Variants in CTNNA3 observed in about 807,000 individuals in gnomAD.
The protein encoded by CTNNA3 is catenin alpha 3, also known as catenin alpha-3.
Under a neutral mutation model 95.7 loss-of-function variants are expected in CTNNA3, and 76 were observed. The ratio of observed to expected loss-of-function variants is 0.79; its 90% CI spans 0.66 to 0.96. CTNNA3 has a LOEUF of 0.96. CTNNA3 is among the 40% of genes least tolerant of loss of function. The pLI, the probability that CTNNA3 is intolerant of heterozygous loss-of-function variation, is 0.00. For missense variants in CTNNA3, 1,191 were observed against 1,089.8 expected, an observed-to-expected ratio of 1.09 and a Z score of -1.31; for synonymous variants, 431 against 374.4, an observed-to-expected ratio of 1.15 and a Z score of -1.74.
At chr10:67,572,463 G>A (rs1346118392) in intron 3 of CTNNA3, among the ~76,000 whole-genome samples, 4 of 152,108 alleles carry the variant, frequency 2.6e-5, no homozygotes, top group Non-Finnish European at 5.9e-5. Flanking sequence ...CAGGCCTAAT[G>A]CAGTTTGGAA....
At chr10:67,486,150 C>T (rs1379171280) in intron 5 of CTNNA3, among the ~76,000 whole-genome samples, 1 of 152,158 alleles carries the variant, frequency 6.6e-6, no homozygotes, top group Non-Finnish European at 1.5e-5. Flanking sequence ...CACTCATTCA[C>T]CTGTTTCATT....
intron 9 of CTNNA3, among the ~76,000 whole-genome samples, chr10:66,729,634 C>T (rs1462160633): frequency 6.6e-6 from 1 of 152,010 alleles, no homozygotes; most frequent in Non-Finnish European, 1.5e-5. Flanking sequence ...ACTTTGGGGA[C>T]TCAGGGGAAA....
At chr10:66,917,506 T>C (rs964233128) in intron 7 of CTNNA3, among the ~76,000 whole-genome samples, 3 of 152,198 alleles carry the variant, frequency 2.0e-5, no homozygotes, top group African/African-American at 4.8e-5. Flanking sequence ...GGATTCTCAT[T>C]TGTCAGAAGT....
At chr10:67,502,320 G>T (rs1202630485) in intron 5 of CTNNA3, among the ~76,000 whole-genome samples, 1 of 152,150 alleles carries the variant, frequency 6.6e-6, no homozygotes, top group African/African-American at 2.4e-5. Context: ...AGCAAAGACT[G>T]CTCCTGTTCC....
intron 6 of CTNNA3, among the ~76,000 whole-genome samples, chr10:67,206,676 AAG>A (rs1433616324): frequency 1.3e-5 from 2 of 151,674 alleles, no homozygotes; most frequent in African/African-American, 4.8e-5. Flanking sequence ...AAAAAAAATT[AAG>A]AGTTTCCAAC....
intron 12 of CTNNA3, among the ~76,000 whole-genome samples, chr10:66,295,500 G>A (rs1045996865): frequency 6.6e-6 from 1 of 152,258 alleles, no homozygotes; most frequent in South Asian, 2.1e-4. Context: ...GTAGGACATG[G>A]TAGGTGATTG....
At chr10:67,497,215 GAAT>G (rs1206918076) in intron 5 of CTNNA3, among the ~76,000 whole-genome samples, 7 of 152,074 alleles carry the variant, frequency 4.6e-5, no homozygotes, top group Admixed American at 2.0e-4. Context: ...AGTTTGCTGA[GAAT>G]AATGGTTTCC....
At chr10:67,356,348 C>A (rs1842806173) in intron 5 of CTNNA3, among the ~76,000 whole-genome samples, 1 of 152,042 alleles carries the variant, frequency 6.6e-6, no homozygotes, top group Non-Finnish European at 1.5e-5. Flanking sequence ...TACCTCCCTC[C>A]AAAAATCCAG....
At chr10:66,075,488 G>A (rs1000022407) in intron 14 of CTNNA3, among the ~76,000 whole-genome samples, 1 of 151,642 alleles carries the variant, frequency 6.6e-6, no homozygotes, top group Non-Finnish European at 1.5e-5. Context: ...CTCAGTAAAT[G>A]GTGCATATAT....
chr10:66,063,479 T>G (rs2133580008), intron 15 of CTNNA3, among the ~76,000 whole-genome samples: 1 of 151,728 alleles, frequency 6.6e-6, no homozygotes, highest in South Asian at 2.1e-4. Flanking sequence ...CTGAAATTTC[T>G]TTCACTTTTT....
intron 5 of CTNNA3, among the ~76,000 whole-genome samples, chr10:67,410,977 C>T (rs35323917): frequency 0.012 from 1,753 of 152,148 alleles, 25 homozygotes; most frequent in Non-Finnish European, 0.016. Context: ...CATGATCAAA[C>T]TTGTGTGTGG....
chr10:66,334,504 C>A (rs888339796), intron 12 of CTNNA3, among the ~76,000 whole-genome samples: 1 of 151,830 alleles, frequency 6.6e-6, no homozygotes, highest in Admixed American at 6.6e-5. Context: ...CTTAGTTTGG[C>A]TGGATGTGAA....
chr10:66,381,279 C>A (rs17176679), intron 11 of CTNNA3, among the ~76,000 whole-genome samples: 3 of 152,050 alleles, frequency 2.0e-5, no homozygotes, highest in Admixed American at 6.6e-5. Flanking sequence ...TTCTTTCAAG[C>A]CACTAGGCAA....
intron 8 of CTNNA3, among the ~76,000 whole-genome samples, chr10:66,775,203 A>C (rs2132820933): frequency 6.6e-6 from 1 of 152,322 alleles, no homozygotes; most frequent in Admixed American, 6.5e-5. Context: ...AACTGATGAG[A>C]ACAGAACCAG....
Position 67,434,656 on chromosome 10 carries a change from T to G in CTNNA3, c.579+87186A>C, listed in dbSNP as rs530201292. On this transcript the variant is annotated intron_variant, in intron 5 of 17. Transcript: ENST00000433211. ...TAGACTCAAAGAATTGCCTAAAATA[T>G]GTACTGCCAGCAGCTCAACTATATT... 3.9e-5 allele frequency among the ~76,000 whole-genome samples: 6 copies of G among 152,104 alleles called. No homozygotes were observed. The South Asian group carries it at 6.2e-4, about 16-fold the overall frequency.
At chr10:66,170,241 CT>C (rs57644952) in intron 13 of CTNNA3, among the ~76,000 whole-genome samples, 2,098 of 73,256 alleles carry the variant, frequency 0.029, 38 homozygotes, top group African/African-American at 0.091. Flanking sequence ...TCCTCATTGT[CT>C]TTTTTTTTTT....
At chr10:67,302,879 G>A (rs1460608057) in intron 5 of CTNNA3, among the ~76,000 whole-genome samples, 1 of 152,130 alleles carries the variant, frequency 6.6e-6, no homozygotes, top group African/African-American at 2.4e-5. Context: ...AATTGAAAAA[G>A]GATTGAATAA....
intron 5 of CTNNA3, among the ~76,000 whole-genome samples, chr10:67,353,228 C>T (rs1842698602): frequency 6.6e-6 from 1 of 151,882 alleles, no homozygotes; most frequent in African/African-American, 2.4e-5. Flanking sequence ...AAGACTGATT[C>T]TCAATCCCAC....
intron 3 of CTNNA3, among the ~76,000 whole-genome samples, chr10:67,588,569 G>T (rs1388945236): frequency 1.3e-5 from 2 of 151,962 alleles, no homozygotes; most frequent in East Asian, 3.9e-4. Context: ...CTGTCGTCAG[G>T]CTTTAGTGGT....
Sources: allele counts gnomAD v4.1 joint callset (sites outside exome capture counted in the v4.1 genomes callset), GRCh38; gene constraint gnomAD v4.1.1; transcripts MANE v1.5; gene names NCBI Gene and HGNC (gene_info 2026-07-23, HGNC 2026-07-21).